PASD1: variants seen among roughly 807,000 people sequenced by gnomAD.
PASD1 encodes the protein circadian clock protein PASD1.
PASD1 carries 13 observed loss-of-function variants against 58.8 expected under a neutral mutation model. The observed-to-expected ratio is 0.22, with a 90% confidence interval of 0.14 to 0.35. The LOEUF (loss-of-function observed/expected upper bound fraction) is 0.35, where lower values mean the gene tolerates loss of function less well. PASD1 is among the 10% of genes least tolerant of loss of function. The probability of loss-of-function intolerance (pLI) is 1.00; values close to 1 mark genes in which losing one functional copy is unlikely to be tolerated. For synonymous variants in PASD1, 236 were observed against 216.7 expected (o/e 1.09, Z -0.78); for missense variants, 734 against 568.3 (o/e 1.29, Z -2.96).
rs1156917299 is a variant in PASD1 at position 151,676,437 on chromosome X, G to A, written c.*294G>A. 8.1e-6 allele frequency: 2 copies of A among 246,426 alleles called. No homozygotes were observed. Among genetic ancestry groups the A allele is most frequent in the Non-Finnish European group, 1.4e-5 (2 of 138,534 alleles). The allele number at this position is 246,426 out of a possible 1,213,427, so 20.3% of individuals were successfully genotyped here. On this transcript the variant is annotated 3_prime_UTR_variant, in exon 16 of 16. Transcript: ENST00000370357. ...GCCCCGCCCAGCTTTGCATATCCAT[G>A]TTCTACCACAGGAAGGTGGCCTGCC...
At position 151,676,278 on chromosome X, in the gene PASD1, C is replaced by A. The variant is rs1026882041; in HGVS notation, c.*135C>A. Reference sequence around the variant, plus strand: ...TAGTGGGTAGAGACTTATTTGTTTCCTGATAGGTTATGTTTGTAATTGTTT... The same window carrying A: ...TAGTGGGTAGAGACTTATTTGTTTCATGATAGGTTATGTTTGTAATTGTTT... On this transcript the variant is annotated 3_prime_UTR_variant, in exon 16 of 16. Coordinates refer to ENST00000370357, the MANE Select transcript of PASD1 (RefSeq NM_173493.3). 18 of 634,681 alleles carry A rather than the reference C, an allele frequency of 2.8e-5. No homozygotes were observed. Among genetic ancestry groups the A allele is most frequent in the Non-Finnish European group, 4.2e-5 (18 of 430,945 alleles). 52.3% of individuals were successfully genotyped at this position (634,681 alleles called of 1,213,427 possible).
Position 151,655,833 on chromosome X carries a change from T to G in PASD1, c.718-3880T>G, listed in dbSNP as rs753176623. 1.2e-3 allele frequency among the ~76,000 whole-genome samples: 131 copies of G among 112,275 alleles called. 1 individual carries two copies. The highest frequency in any genetic ancestry group is 1.8e-3 in the Non-Finnish European group (97 of 53,297). ...TGTTCACTCTGACGGTAGTTTCTTT[T>G]GCTGTGCAGAAGCTCTTTAGTTGAA... is the stretch of plus-strand genomic sequence containing the variant. On this transcript the variant is annotated intron_variant, in intron 9 of 15. Transcript: ENST00000370357.
intron 1 of PASD1, among the ~76,000 whole-genome samples, chrX:151,597,418 A>G (rs1314286460): frequency 1.8e-5 from 2 of 112,026 alleles, no homozygotes; most frequent in East Asian, 5.6e-4. Context: ...TCATTTTCCA[A>G]GGCAGTATCC....
chrX:151,614,215 C>T (rs1405388742), intron 4 of PASD1, among the ~76,000 whole-genome samples: 1 of 111,069 alleles, frequency 9.0e-6, no homozygotes, highest in Non-Finnish European at 1.9e-5. Flanking sequence ...GAACTCCTGA[C>T]CTCAAGCGAT....
chrX:151,633,472 A>G (rs1426787717), intron 8 of PASD1, among the ~76,000 whole-genome samples: 2 of 111,432 alleles, frequency 1.8e-5, no homozygotes, highest in Non-Finnish European at 3.8e-5. Flanking sequence ...TGTACATTTA[A>G]CTAATCATAT....
chrX:151,567,044 C>CT (rs2012853540), intron 1 of PASD1, among the ~76,000 whole-genome samples: 2 of 76,305 alleles, frequency 2.6e-5, no homozygotes, highest in African/African-American at 4.7e-5. Context: ...AACTCCGTCT[C>CT]AAAATAAATA....
intron 9 of PASD1, among the ~76,000 whole-genome samples, chrX:151,653,934 C>CTTTCT (rs2014203215): frequency 1.3e-5 from 1 of 74,207 alleles, no homozygotes; most frequent in Admixed American, 1.7e-4. Flanking sequence ...TTCTTTCTTT[C>CTTTCT]TTTCTTTTTC....
At chrX:151,675,124 C>T (rs1011143614) in intron 15 of PASD1, among the ~76,000 whole-genome samples, 1 of 111,682 alleles carries the variant, frequency 9.0e-6, no homozygotes, top group Non-Finnish European at 1.9e-5. Flanking sequence ...AGAGGGGGTC[C>T]TGAGAGACCA....
At chrX:151,566,464 G>A (rs779657157) in intron 1 of PASD1, among the ~76,000 whole-genome samples, 7 of 111,717 alleles carry the variant, frequency 6.3e-5, no homozygotes, top group African/African-American at 2.3e-4. Context: ...AGCATTTTCC[G>A]AAGCAGGAGG....
rs1279103959 is a variant in PASD1 at position 151,601,579 on chromosome X, G to A, written c.26G>A (p.Arg9Lys). The change falls in exon 2 of 16, where the codon AGA becomes AAA. Residue 9 changes from arginine to lysine, a missense_variant and splice_region_variant. By Grantham distance (26) the Arg-to-Lys change is conservative. Transcript: ENST00000370357. Reference sequence around the variant, plus strand: ...ATGAAGATGAGAGGGGAAAAGAGAAGAGGTATGCATTCATAACTGACTGAC... The same window carrying A: ...ATGAAGATGAGAGGGGAAAAGAGAAAAGGTATGCATTCATAACTGACTGAC... MKMRGEKR[R>K]DKVNPKSSQR... 1 of 1,208,914 alleles carries A rather than the reference G, an allele frequency of 8.3e-7. No homozygotes were observed. The highest frequency in any genetic ancestry group is 1.1e-6 in the Non-Finnish European group (1 of 894,027).
At chrX:151,645,189 G>A (rs772244863) in intron 8 of PASD1, among the ~76,000 whole-genome samples, 1 of 111,472 alleles carries the variant, frequency 9.0e-6, no homozygotes, top group East Asian at 2.8e-4. Flanking sequence ...TTCATAACCT[G>A]CAACCAAGAA....
intron 1 of PASD1, among the ~76,000 whole-genome samples, chrX:151,600,789 A>C (rs768269785): frequency 3.8e-4 from 43 of 111,948 alleles, no homozygotes; most frequent in Non-Finnish European, 7.5e-4. Context: ...GAGAGCATTA[A>C]CACCAAGCAC....
Position 151,601,596 on chromosome X carries a change from C to T in PASD1, c.28+15C>T, listed in dbSNP as rs199726666. On this transcript the variant is annotated intron_variant, in intron 2 of 15. Coordinates refer to ENST00000370357, the MANE Select transcript of PASD1 (RefSeq NM_173493.3). Reference sequence around the variant, plus strand: ...AAAGAGAAGAGGTATGCATTCATAACTGACTGACATTTCTGTCAAAGCCCT... The same window carrying T: ...AAAGAGAAGAGGTATGCATTCATAATTGACTGACATTTCTGTCAAAGCCCT... 997 of 1,204,743 alleles carry T rather than the reference C, an allele frequency of 8.3e-4. No individual in the cohort carries two copies. The highest frequency in any genetic ancestry group is 1.1e-3 in the Non-Finnish European group (964 of 890,601).
intron 1 of PASD1, among the ~76,000 whole-genome samples, chrX:151,580,194 T>C (rs74712518): frequency 0.26 from 28,613 of 111,506 alleles, 3,521 homozygotes; most frequent in Non-Finnish European, 0.38. Context: ...ATTCTAGTTA[T>C]CTATTTACAA....
chrX:151,671,277 A>G, intron 12 of PASD1, 81 bp downstream of exon 12: 1 of 1,069,864 alleles, frequency 9.3e-7, no homozygotes, highest in Non-Finnish European at 1.3e-6. Flanking sequence ...GACCTTGGCA[A>G]GCCTTAAGGA....
intron 8 of PASD1, among the ~76,000 whole-genome samples, chrX:151,631,329 T>A (rs1363468469): frequency 9.0e-6 from 1 of 111,730 alleles, no homozygotes; most frequent in East Asian, 2.8e-4. Flanking sequence ...TAAGTTATCC[T>A]GGGCTGCATT....
At chrX:151,571,841 T>C (rs2012932016) in intron 1 of PASD1, among the ~76,000 whole-genome samples, 1 of 111,923 alleles carries the variant, frequency 8.9e-6, no homozygotes, top group Admixed American at 9.5e-5. Context: ...TTAATCTTTG[T>C]TCCTTCTCAT....
intron 8 of PASD1, among the ~76,000 whole-genome samples, chrX:151,626,637 TAATATATTA>T (rs772508938): frequency 2.1e-4 from 23 of 111,727 alleles, no homozygotes; most frequent in Non-Finnish European, 3.8e-4. Flanking sequence ...AATAATGAAG[TAATATATTA>T]AATATATTAA....
chrX:151,618,424 A>G (rs2013665095), intron 4 of PASD1, among the ~76,000 whole-genome samples: 1 of 112,224 alleles, frequency 8.9e-6, no homozygotes. Flanking sequence ...CATTACTTCT[A>G]TATCTGATAT....
Sources: gnomAD v4.1 joint callset for allele counts (sites outside exome capture counted in the v4.1 genomes callset) on GRCh38, gnomAD v4.1.1 for gene constraint, MANE v1.5 for transcripts, NCBI Gene and HGNC (gene_info 2026-07-23, HGNC 2026-07-21) for gene names.